The following BNC2 variants were observed in gnomAD, a reference collection of about 807,000 sequenced individuals.
The protein encoded by BNC2 is basonuclin zinc finger protein 2.
BNC2 carries 20 observed loss-of-function variants against 76.3 expected under a neutral mutation model. The ratio of observed to expected loss-of-function variants is 0.26; its 90% CI spans 0.18 to 0.38. The LOEUF (loss-of-function observed/expected upper bound fraction) is 0.38. BNC2 is among the 10% of genes least tolerant of loss of function. The pLI is 1.00. For missense variants in BNC2, 1,382 were observed against 1,399.8 expected (o/e 0.99, Z 0.20); for synonymous variants, 582 against 514.8 (o/e 1.13, Z -1.77).
At chr9:16,564,858 C>A (rs892910031) in intron 4 of BNC2, among the ~76,000 whole-genome samples, 2 of 152,144 alleles carry the variant, frequency 1.3e-5, no homozygotes, top group African/African-American at 4.8e-5. Context: ...TAGTTGAGGT[C>A]ATACTGTAGA....
At chr9:16,500,665 G>A (rs939325658) in intron 5 of BNC2, among the ~76,000 whole-genome samples, 1 of 152,062 alleles carries the variant, frequency 6.6e-6, no homozygotes, top group Non-Finnish European at 1.5e-5. Context: ...AGTTTTTCAG[G>A]GTGGATGGAG....
chr9:16,625,509 G>A (rs971582280), intron 3 of BNC2, among the ~76,000 whole-genome samples: 6 of 152,146 alleles, frequency 3.9e-5, no homozygotes, highest in Admixed American at 2.0e-4. Context: ...AAAGAGAACG[G>A]GGGAAATAAG....
chr9:16,728,106 T>A, intron 2 of BNC2, 109 bp from the exon 3 acceptor site: 1 of 467,250 alleles, frequency 2.1e-6, no homozygotes, highest in Non-Finnish European at 4.1e-6. Context: ...GGGGGAGATT[T>A]GGGGGAGGGA....
chr9:16,474,256 A>T (rs1030682261), intron 5 of BNC2, among the ~76,000 whole-genome samples: 10 of 152,274 alleles, frequency 6.6e-5, no homozygotes, highest in Admixed American at 2.0e-4. Flanking sequence ...AAAATAAATT[A>T]ACTCCACATA....
intron 3 of BNC2, among the ~76,000 whole-genome samples, chr9:16,588,540 T>A (rs941135313): frequency 1.3e-5 from 2 of 152,114 alleles, no homozygotes; most frequent in Non-Finnish European, 2.9e-5. Context: ...TTTATTTCCA[T>A]TACCTGTAGA....
chr9:16,474,546 G>A (rs540249050), intron 5 of BNC2, among the ~76,000 whole-genome samples: 1 of 152,174 alleles, frequency 6.6e-6, no homozygotes, highest in Non-Finnish European at 1.5e-5. Context: ...ATGTCCTCCA[G>A]GTATGTGCTG....
intron 1 of BNC2, 133 bp from the exon 2 acceptor site, chr9:16,738,618 A>G: frequency 2.9e-6 from 3 of 1,030,360 alleles, no homozygotes; most frequent in Non-Finnish European, 4.3e-6. Flanking sequence ...TTAAGAGTTA[A>G]TAGTTTCTAA....
At chr9:16,645,606 C>T (rs2133893331) in intron 3 of BNC2, among the ~76,000 whole-genome samples, 1 of 152,230 alleles carries the variant, frequency 6.6e-6, no homozygotes, top group South Asian at 2.1e-4. Flanking sequence ...GAATCACATC[C>T]TTGTCCCATC....
chr9:16,747,211 C>G (rs192703216), intron 1 of BNC2, among the ~76,000 whole-genome samples: 18 of 152,152 alleles, frequency 1.2e-4, no homozygotes, highest in Admixed American at 8.5e-4. Context: ...TCCTTGTACC[C>G]GCTTCTAGAG....
intron 5 of BNC2, among the ~76,000 whole-genome samples, chr9:16,547,336 T>G (rs1818516872): frequency 6.6e-6 from 1 of 152,244 alleles, no homozygotes; most frequent in African/African-American, 2.4e-5. Flanking sequence ...CAGTCAGTCC[T>G]TAGGAAGCCT....
At chr9:16,446,222 CTT>C (rs1821228784) in intron 5 of BNC2, among the ~76,000 whole-genome samples, 1 of 152,070 alleles carries the variant, frequency 6.6e-6, no homozygotes, top group African/African-American at 2.4e-5. Context: ...ATAAATCACT[CTT>C]ATTATAGCAT....
chr9:16,790,718 A>G (rs985287366), intron 1 of BNC2, among the ~76,000 whole-genome samples: 1 of 151,822 alleles, frequency 6.6e-6, no homozygotes, highest in South Asian at 2.1e-4. Context: ...CAACCACTTC[A>G]TAACTGACTT....
At chr9:16,728,398 G>C (rs1315143785) in intron 2 of BNC2, among the ~76,000 whole-genome samples, 1 of 152,068 alleles carries the variant, frequency 6.6e-6, no homozygotes, top group African/African-American at 2.4e-5. Flanking sequence ...CACACTCCAG[G>C]CAGCACCACA....
At position 16,647,711 on chromosome 9, in the gene BNC2, A is replaced by T. The variant is rs180801721; in HGVS notation, c.331-64626T>A. Among the ~76,000 whole-genome samples the T allele has an allele frequency of 3.7e-4, 57 of 152,234 alleles. 1 individual carries two copies. The highest frequency in any genetic ancestry group is 3.7e-3 in the Admixed American group (57 of 15,272). On this transcript the variant is annotated intron_variant, in intron 3 of 6. Coordinates refer to ENST00000380672, the MANE Select transcript of BNC2 (RefSeq NM_017637.6). The stretch of plus-strand genomic sequence containing the variant: ...GAATTTTTCAAGTAAAATATAAGAG[A>T]TTCATCAATATGTGTATTCCCATCA...
intron 5 of BNC2, among the ~76,000 whole-genome samples, chr9:16,497,074 C>G (rs1822406178): frequency 6.6e-6 from 1 of 152,224 alleles, no homozygotes; most frequent in Non-Finnish European, 1.5e-5. Context: ...CAGGCATTGC[C>G]TGGCAGGAAG....
At chr9:16,867,242 A>G (rs546291138) in intron 1 of BNC2, 1 of 152,314 alleles carries the variant, frequency 6.6e-6, no homozygotes, top group African/African-American at 2.4e-5. Flanking sequence ...CACTTCATGA[A>G]CTGTATCTGT....
chr9:16,743,925 C>T (rs1824923520), intron 1 of BNC2, among the ~76,000 whole-genome samples: 2 of 151,736 alleles, frequency 1.3e-5, no homozygotes, highest in South Asian at 4.2e-4. Flanking sequence ...TTTTCCCCTA[C>T]CATCTTATAC....
chr9:16,659,375 C>T (rs138207689), intron 3 of BNC2, among the ~76,000 whole-genome samples: 18,689 of 151,960 alleles, frequency 0.12, 1,595 homozygotes, highest in Non-Finnish European at 0.18. Flanking sequence ...TTTGGGGGGC[C>T]GAGGTGGGCA....
At chr9:16,594,748 G>A (rs1233294982) in intron 3 of BNC2, among the ~76,000 whole-genome samples, 3 of 151,988 alleles carry the variant, frequency 2.0e-5, no homozygotes, top group Non-Finnish European at 2.9e-5. Context: ...TCAAACAGCA[G>A]AAAATGAGGC....
Sources: allele counts gnomAD v4.1 joint callset (sites outside exome capture counted in the v4.1 genomes callset), GRCh38; gene constraint gnomAD v4.1.1; transcripts MANE v1.5; gene names NCBI Gene and HGNC (gene_info 2026-07-23, HGNC 2026-07-21).